The following RGS5 variants were observed in gnomAD, a reference collection of about 807,000 sequenced individuals.
RGS5 encodes regulator of G-protein signalling 5.
In RGS5, 20 loss-of-function variants were observed where a neutral mutation model predicts 18.9. That is an observed-to-expected ratio of 1.06 (90% CI 0.74 to 1.54). RGS5 has a LOEUF of 1.54. RGS5 is among the 40% of genes most tolerant of loss of function. The probability of loss-of-function intolerance (pLI) is 0.00; values close to 1 mark genes in which losing one functional copy is unlikely to be tolerated. For synonymous variants in RGS5, 57 were observed against 76.2 expected, an observed-to-expected ratio of 0.75 and a Z score of 1.31; for missense variants, 201 against 211.8, an observed-to-expected ratio of 0.95 and a Z score of 0.32.
At chr1:163,239,618 G>A (rs1002873636) in intron 2 of RGS5, among the ~76,000 whole-genome samples, 5 of 152,046 alleles carry the variant, frequency 3.3e-5, no homozygotes, top group Non-Finnish European at 5.9e-5. Context: ...CTCCCTGTTA[G>A]TGAGATTTTG....
chr1:163,201,819 GC>G (rs1184417590), intron 1 of RGS5, among the ~76,000 whole-genome samples: 1 of 152,118 alleles, frequency 6.6e-6, no homozygotes, highest in Admixed American at 6.6e-5. Context: ...CACTGCTAAT[GC>G]CTTTAGGGCT....
At chr1:163,198,194 A>G (rs2101656672) in intron 1 of RGS5, among the ~76,000 whole-genome samples, 1 of 152,306 alleles carries the variant, frequency 6.6e-6, no homozygotes, top group Non-Finnish European at 1.5e-5. Context: ...AATAAATTTA[A>G]AAATAATAAA....
At position 163,202,779 on chromosome 1, in the gene RGS5, A is replaced by C. The variant is rs375686263; in HGVS notation, c.44+13T>G. The C allele has an allele frequency of 9.3e-6, 15 of 1,612,976 alleles. No homozygotes were observed. The African/African-American group carries it at 1.6e-4, about 17-fold the overall frequency. On this transcript the variant is annotated intron_variant, in intron 1 of 4. Coordinates refer to ENST00000313961, the MANE Select transcript of RGS5 (RefSeq NM_003617.4). ...TATCTGCATCTCTTAAACAAAAATA[A>C]CTTGGTTCTCACCTTTCCAGGCATG...
At chr1:163,265,960 C>T (rs1250700976) in intron 2 of RGS5, among the ~76,000 whole-genome samples, 1 of 152,062 alleles carries the variant, frequency 6.6e-6, no homozygotes, top group East Asian at 1.9e-4. Context: ...ATAAATATAC[C>T]TGTGCAGATT....
intron 2 of RGS5, among the ~76,000 whole-genome samples, chr1:163,284,010 AACG>A (rs145644982): frequency 0.02 from 3,108 of 152,330 alleles, 47 homozygotes; most frequent in South Asian, 0.051. Context: ...TGAGATCATA[AACG>A]TGTTATTTAA....
At chr1:163,186,834 G>C (rs550696236) in intron 1 of RGS5, among the ~76,000 whole-genome samples, 1 of 152,186 alleles carries the variant, frequency 6.6e-6, no homozygotes, top group South Asian at 2.1e-4. Flanking sequence ...CTCAGTCTGT[G>C]ATTCTAAGCT....
Position 163,147,124 on chromosome 1 carries a change from C to A in RGS5, c.*218G>T. ...AAGCTGAAGATATCTTAATTAATAACAGGGCAGGAAGAATTGAGTGGGGAA... is the reference window on the plus strand; with the variant it reads ...AAGCTGAAGATATCTTAATTAATAAAAGGGCAGGAAGAATTGAGTGGGGAA... On this transcript the variant is annotated 3_prime_UTR_variant, in exon 5 of 5. Coordinates refer to ENST00000313961, the MANE Select transcript of RGS5 (RefSeq NM_003617.4). 2.6e-6 allele frequency: 1 copy of A among 377,632 alleles called. No homozygotes were observed. The allele number at this position is 377,632 out of a possible 1,614,324, so 23.4% of individuals were successfully genotyped here. A position where few individuals can be genotyped will look rare whatever the true frequency, so the allele number is the denominator to read the frequency against.
rs1164492594 is a variant in RGS5, at chr1:163,147,450, AG to A, written c.437del (p.Pro146LeufsTer3). The A allele has an allele frequency of 5.0e-6, 8 of 1,611,710 alleles. No homozygotes were observed. Among genetic ancestry groups the A allele is most frequent in the Non-Finnish European group, 6.8e-6 (8 of 1,178,920 alleles). ...KDITMKNLVE[P>X]SLSSFDMAQK... ...GGGCCATGTCAAAGCTGCTCAGGGAAGGTTCCACCAGGTTCTTCATTGTGAT... is the reference window on the plus strand; with the variant it reads ...GGGCCATGTCAAAGCTGCTCAGGGAAGTTCCACCAGGTTCTTCATTGTGAT... On this transcript the variant is annotated frameshift_variant, in exon 5 of 5. Coordinates refer to ENST00000313961, the MANE Select transcript of RGS5 (RefSeq NM_003617.4). LOFTEE classifies it low-confidence loss of function (END_TRUNC).
At chr1:163,221,488 AAATCAATCAATCAATC>A (rs531668371), upstream of RGS5, among the ~76,000 whole-genome samples, 2 of 147,486 alleles carry the variant, frequency 1.4e-5, no homozygotes, top group Admixed American at 6.8e-5. Flanking sequence ...TACATCTCAA[AAATCAATCAATCAATC>A]AATCAATCAA....
intron 2 of RGS5, among the ~76,000 whole-genome samples, chr1:163,247,469 C>T (rs1647973582): frequency 6.6e-6 from 1 of 151,882 alleles, no homozygotes; most frequent in African/African-American, 2.4e-5. Context: ...CACTATCAGG[C>T]AAACAAATCC....
intron 2 of RGS5, among the ~76,000 whole-genome samples, chr1:163,241,937 A>C (rs1316332527): frequency 2.0e-5 from 3 of 152,222 alleles, no homozygotes; most frequent in Non-Finnish European, 4.4e-5. Context: ...ACTTGTATTA[A>C]GTATTCTATG....
intron 1 of RGS5, among the ~76,000 whole-genome samples, chr1:163,185,000 C>G (rs1659011205): frequency 1.3e-5 from 2 of 152,276 alleles, no homozygotes; most frequent in South Asian, 2.1e-4. Context: ...GACTTAAAAC[C>G]AGTCAGACTG....
chr1:163,161,304 T>C (rs1181430069), intron 3 of RGS5, among the ~76,000 whole-genome samples: 1 of 152,076 alleles, frequency 6.6e-6, no homozygotes, highest in African/African-American at 2.4e-5. Flanking sequence ...CAGTAAGGAT[T>C]TTGGATTGGG....
intron 2 of RGS5, among the ~76,000 whole-genome samples, chr1:163,265,351 T>A (rs1375141473): frequency 6.6e-6 from 1 of 152,098 alleles, no homozygotes; most frequent in Non-Finnish European, 1.5e-5. Context: ...TTCATTTCTA[T>A]ATCAAAGGAA....
intron 2 of RGS5, among the ~76,000 whole-genome samples, chr1:163,250,748 G>A (rs1218135128): frequency 6.6e-6 from 1 of 152,158 alleles, no homozygotes; most frequent in Non-Finnish European, 1.5e-5. Context: ...TGTTGAGTCA[G>A]TAATTCAACA....
intron 1 of RGS5, among the ~76,000 whole-genome samples, chr1:163,176,313 C>A (rs1658553188): frequency 6.6e-6 from 1 of 152,180 alleles, no homozygotes; most frequent in African/African-American, 2.4e-5. Flanking sequence ...TTCTTAGGAC[C>A]ATGGTGGACA....
intron 2 of RGS5, chr1:163,244,603 A>C (rs1647879817): frequency 6.6e-6 from 1 of 152,212 alleles, no homozygotes; most frequent in Non-Finnish European, 1.5e-5. Flanking sequence ...AAGTAAATTA[A>C]GGGACTCGGA....
chr1:163,149,536 T>G (rs895464593), intron 4 of RGS5, among the ~76,000 whole-genome samples: 1 of 152,240 alleles, frequency 6.6e-6, no homozygotes. Context: ...TGCTTAAGCC[T>G]TCTTTAATAA....
At chr1:163,266,734 T>C (rs988800958) in intron 2 of RGS5, 1 of 152,150 alleles carries the variant, frequency 6.6e-6, no homozygotes, top group South Asian at 2.1e-4. Flanking sequence ...CTTATTTCAC[T>C]ACATCTTTGA....
Sources: gnomAD v4.1 joint callset for allele counts (sites outside exome capture counted in the v4.1 genomes callset) on GRCh38, gnomAD v4.1.1 for gene constraint, MANE v1.5 for transcripts, NCBI Gene and HGNC (gene_info 2026-07-23, HGNC 2026-07-21) for gene names.